The following CCDC7 variants were observed in gnomAD, a reference collection of about 807,000 sequenced individuals.
CCDC7 encodes the protein coiled-coil domain-containing protein 7.
In CCDC7, 183 loss-of-function variants were observed where a neutral mutation model predicts 196.9. The observed-to-expected ratio is 0.93, with a 90% CI of 0.82 to 1.05. CCDC7 has a LOEUF of 1.05. Among genes scored for constraint, CCDC7 ranks in the 50% least tolerant of loss-of-function variants. CCDC7 has a pLI of 0.00. For synonymous variants in CCDC7, 525 were observed against 484.6 expected, an observed-to-expected ratio of 1.08 and a Z score of -1.10; for missense variants, 1,540 against 1,482.2, an observed-to-expected ratio of 1.04 and a Z score of -0.64.
intron 21 of CCDC7, among the ~76,000 whole-genome samples, chr10:32,672,498 G>A (rs1165651984): frequency 6.6e-6 from 1 of 152,170 alleles, no homozygotes; most frequent in Non-Finnish European, 1.5e-5. Context: ...GCACACATGG[G>A]GTTAGAGGAG....
chr10:32,549,341 G>T lies in CCDC7; in HGVS notation c.1134+5040G>T, dbSNP rs1028874631. Among the ~76,000 whole-genome samples the T allele has an allele frequency of 7.9e-5, 12 of 152,168 alleles. 1 individual carries two copies. Among genetic ancestry groups the T allele is most frequent in the Middle Eastern group, 3.4e-3 (1 of 294 alleles). ...CTTTGTCAGATGTATGGATTGTGAA[G>T]ATTTTCTTCCACTCTGTGGGTTGTC... is the stretch of plus-strand genomic sequence containing the variant. On this transcript the variant is annotated intron_variant, in intron 13 of 41. Transcript: ENST00000639629.
intron 20 of CCDC7, among the ~76,000 whole-genome samples, chr10:32,658,962 G>C (rs1410443365): frequency 2.0e-5 from 3 of 151,636 alleles, no homozygotes; most frequent in Non-Finnish European, 4.4e-5. Context: ...TGCCAATTTT[G>C]TTTATCCTTT....
rs192615417 is a variant in CCDC7, at chr10:32,515,145, A to C, written c.873-2800A>C. Reference sequence around the variant, plus strand: ...CTGGCTTTAATAATCTTAAGATAGCAATACTTCCCAAATTGTCCTGCAGAT... The same window carrying C: ...CTGGCTTTAATAATCTTAAGATAGCCATACTTCCCAAATTGTCCTGCAGAT... On this transcript the variant is annotated intron_variant, in intron 9 of 41. Transcript: ENST00000639629. Among the ~76,000 whole-genome samples, 1,037 of 152,302 alleles carry C rather than the reference A, an allele frequency of 6.8e-3. 4 individuals are homozygous for C. The highest frequency in any genetic ancestry group is 0.011 in the Non-Finnish European group (775 of 68,022).
At chr10:32,547,148 T>G (rs2052611237) in intron 13 of CCDC7, among the ~76,000 whole-genome samples, 1 of 152,030 alleles carries the variant, frequency 6.6e-6, no homozygotes, top group South Asian at 2.1e-4. Flanking sequence ...CTCCCAGGTA[T>G]CTAGGACTAC....
chr10:32,553,103 CTTTT>C (rs34656193), intron 13 of CCDC7, among the ~76,000 whole-genome samples: 1 of 123,618 alleles, frequency 8.1e-6, no homozygotes, highest in African/African-American at 3.4e-5. Flanking sequence ...TTCTTGGAGT[CTTTT>C]TTTTTTTTTT....
At chr10:32,556,493 T>C (rs1245391739) in intron 13 of CCDC7, among the ~76,000 whole-genome samples, 1 of 152,160 alleles carries the variant, frequency 6.6e-6, no homozygotes, top group East Asian at 1.9e-4. Context: ...TTCTTATTTC[T>C]TTCGTCATCA....
chr10:32,546,595 T>G (rs1364453034), intron 13 of CCDC7, among the ~76,000 whole-genome samples: 1 of 152,182 alleles, frequency 6.6e-6, no homozygotes, highest in East Asian at 1.9e-4. Context: ...ATAACATAAA[T>G]TTTGTAAAAA....
At chr10:32,465,007 T>G (rs2036457906) in intron 5 of CCDC7, among the ~76,000 whole-genome samples, 1 of 152,200 alleles carries the variant, frequency 6.6e-6, no homozygotes, top group African/African-American at 2.4e-5. Context: ...TTACTCATAT[T>G]AGGGAAACAA....
intron 41 of CCDC7, among the ~76,000 whole-genome samples, chr10:32,874,657 G>GTATA (rs147448395): frequency 6.1e-5 from 9 of 146,572 alleles, no homozygotes; most frequent in African/African-American, 2.3e-4. Context: ...ATGTGTGTAT[G>GTATA]TATATATATA....
At chr10:32,617,293 T>C (rs2062886360) in intron 18 of CCDC7, among the ~76,000 whole-genome samples, 1 of 151,852 alleles carries the variant, frequency 6.6e-6, no homozygotes, top group Admixed American at 6.6e-5. Context: ...TTCATTTGGT[T>C]CTTCTTTGAT....
intron 28 of CCDC7, among the ~76,000 whole-genome samples, chr10:32,760,099 G>A (rs1317424536): frequency 6.6e-6 from 1 of 152,092 alleles, no homozygotes; most frequent in African/African-American, 2.4e-5. Flanking sequence ...CAAACAACAG[G>A]TGCTAGAGAG....
At chr10:32,814,486 C>A in intron 31 of CCDC7, 33 bp downstream of exon 32, 1 of 1,472,884 alleles carries the variant, frequency 6.8e-7, no homozygotes, top group Non-Finnish European at 9.5e-7. Flanking sequence ...TTTAGTATTT[C>A]TGGTTAGTTT....
At chr10:32,823,111 A>G (rs2090527490) in intron 31 of CCDC7, among the ~76,000 whole-genome samples, 1 of 151,222 alleles carries the variant, frequency 6.6e-6, no homozygotes, top group Non-Finnish European at 1.5e-5. Flanking sequence ...AAATGTTGTT[A>G]TTGAATTATT....
chr10:32,596,001 G>C (rs1398618795), intron 18 of CCDC7, among the ~76,000 whole-genome samples: 1 of 152,218 alleles, frequency 6.6e-6, no homozygotes, highest in Non-Finnish European at 1.5e-5. Context: ...ATGTGGTGCT[G>C]AGAAGAATGT....
At chr10:32,509,728 A>G (rs1279160715) in intron 9 of CCDC7, among the ~76,000 whole-genome samples, 1 of 152,206 alleles carries the variant, frequency 6.6e-6, no homozygotes, top group Non-Finnish European at 1.5e-5. Context: ...TAATTAAAGG[A>G]CTTGAATAGA....
At chr10:32,662,718 CT>C (rs2071760185) in intron 20 of CCDC7, among the ~76,000 whole-genome samples, 1 of 152,130 alleles carries the variant, frequency 6.6e-6, no homozygotes, top group Non-Finnish European at 1.5e-5. Flanking sequence ...GCAGTAGGTT[CT>C]TTTGTCTGGC....
At chr10:32,490,288 A>G (rs1485840539) in intron 8 of CCDC7, among the ~76,000 whole-genome samples, 1 of 152,114 alleles carries the variant, frequency 6.6e-6, no homozygotes, top group Non-Finnish European at 1.5e-5. Context: ...GGAGATGAAG[A>G]CTGATATCTC....
At chr10:32,746,189 C>A (rs889554156) in intron 28 of CCDC7, among the ~76,000 whole-genome samples, 1 of 151,992 alleles carries the variant, frequency 6.6e-6, no homozygotes, top group East Asian at 1.9e-4. Flanking sequence ...GGATGTAGAC[C>A]CTGGGCTGAA....
intron 29 of CCDC7, among the ~76,000 whole-genome samples, chr10:32,799,377 T>C (rs1415159083): frequency 6.6e-6 from 1 of 152,178 alleles, no homozygotes; most frequent in Non-Finnish European, 1.5e-5. Flanking sequence ...CTGGGTCATA[T>C]GACCCAAATG....
Sources: gnomAD v4.1 joint callset for allele counts (sites outside exome capture counted in the v4.1 genomes callset) on GRCh38, gnomAD v4.1.1 for gene constraint, MANE v1.5 for transcripts, NCBI Gene and HGNC (gene_info 2026-07-23, HGNC 2026-07-21) for gene names.